The following PCDH11X variants were observed in gnomAD, a reference collection of about 807,000 sequenced individuals.
The protein encoded by PCDH11X is protocadherin 11 X-linked.
PCDH11X carries 18 observed loss-of-function variants against 53.3 expected under a neutral mutation model. That is an observed-to-expected ratio of 0.34 (90% CI 0.23 to 0.50). PCDH11X has a LOEUF of 0.50. Among genes scored for constraint, PCDH11X ranks in the 20% least tolerant of loss-of-function variants. The probability of loss-of-function intolerance (pLI) is 0.98; values close to 1 mark genes in which losing one functional copy is unlikely to be tolerated. For synonymous variants in PCDH11X, 279 were observed against 393.3 expected (o/e 0.71, Z 3.44); for missense variants, 570 against 1,032.4 (o/e 0.55, Z 6.14).
chrX:92,434,112 TTATCTATCTATCTATCATC>T (rs1184168492), intron 9 of PCDH11X, among the ~76,000 whole-genome samples: 1 of 111,328 alleles, frequency 9.0e-6, no homozygotes, highest in South Asian at 3.7e-4. Flanking sequence ...AACCTAAATT[TTATCTATCTATCTATCATC>T]TATCTATCTA....
At position 92,426,519 on chromosome X, in the gene PCDH11X, T is replaced by A. The variant is rs186487569; in HGVS notation, c.3343+38586T>A. 1.8e-3 allele frequency among the ~76,000 whole-genome samples: 201 copies of A among 109,068 alleles called. 1 individual carries two copies. Among genetic ancestry groups the A allele is most frequent in the African/African-American group, 6.3e-3 (189 of 30,165 alleles). 94.7% of individuals were successfully genotyped at this position (109,068 alleles called of 115,157 possible). A position where few individuals can be genotyped will look rare whatever the true frequency, so the allele number is the denominator to read the frequency against. ...TGTGTGTTTCAAATTAAGGAAAAAT[T>A]TGCATCGAACTATGTTTTCATTTAG... On this transcript the variant is annotated intron_variant, in intron 9 of 10. Transcript: ENST00000682573.
In PCDH11X at chrX:91,981,718, C is replaced by T. The variant is rs893185763; in HGVS notation, c.3033+102445C>T. Among the ~76,000 whole-genome samples, 151 of 109,340 alleles carry T rather than the reference C, an allele frequency of 1.4e-3. 1 individual carries two copies. Among genetic ancestry groups the T allele is most frequent in the African/African-American group, 4.9e-3 (146 of 29,995 alleles). The allele number at this position is 109,340 out of a possible 115,157, so 94.9% of individuals were successfully genotyped here. ...AATCATAGTGGAAGGCAAGGAGGAA[C>T]AAGTCACACCTTATGTGGATGGCAG... On this transcript the variant is annotated intron_variant, in intron 6 of 10. Transcript: ENST00000682573.
intron 1 of PCDH11X, among the ~76,000 whole-genome samples, chrX:91,791,134 A>G (rs754768408): frequency 9.2e-6 from 1 of 108,659 alleles, no homozygotes; most frequent in African/African-American, 3.4e-5. Context: ...TGTCTGCCAA[A>G]ATTGCCTTGG....
At chrX:92,020,427 C>G (rs747433028) in intron 6 of PCDH11X, among the ~76,000 whole-genome samples, 2 of 112,104 alleles carry the variant, frequency 1.8e-5, no homozygotes, top group South Asian at 7.5e-4. Flanking sequence ...TTGTGGCAGA[C>G]TGCGGCCAGA....
At chrX:92,109,073 T>C (rs1314927547) in intron 6 of PCDH11X, among the ~76,000 whole-genome samples, 5 of 110,800 alleles carry the variant, frequency 4.5e-5, no homozygotes, top group Admixed American at 2.9e-4. Context: ...GGAGGAATGC[T>C]TGGGGACTGG....
chrX:91,810,731 A>G (rs1411082775), intron 3 of PCDH11X, among the ~76,000 whole-genome samples, 153 bp downstream of exon 3: 1 of 112,278 alleles, frequency 8.9e-6, no homozygotes, highest in African/African-American at 3.2e-5. Flanking sequence ...TTAGTGATGT[A>G]TATTATGTGA....
intron 6 of PCDH11X, among the ~76,000 whole-genome samples, chrX:92,132,763 C>A (rs1177644707): frequency 9.8e-6 from 1 of 102,149 alleles, no homozygotes; most frequent in Admixed American, 1.1e-4. Context: ...TGGGAGCCTG[C>A]GTTATTGAGA....
intron 6 of PCDH11X, among the ~76,000 whole-genome samples, chrX:92,029,786 GAA>G (rs1157501526): frequency 9.0e-6 from 1 of 111,411 alleles, no homozygotes; most frequent in Non-Finnish European, 1.9e-5. Flanking sequence ...GTTGCTTAAT[GAA>G]CATTGCATTT....
chrX:92,372,795 T>G (rs1254523548), intron 8 of PCDH11X, among the ~76,000 whole-genome samples: 3 of 108,436 alleles, frequency 2.8e-5, no homozygotes, highest in Non-Finnish European at 3.8e-5. Flanking sequence ...TGATAGATCA[T>G]CAAAAACTAT....
In PCDH11X at chrX:92,124,544, TAA is replaced by T. The variant is rs1242306988; in HGVS notation, c.3034-76816_3034-76815del. On this transcript the variant is annotated intron_variant, in intron 6 of 10. Transcript: ENST00000682573. ...TGGGCAACAAGAGCAAAACTCCATT[TAA>T]AAAAAAAAAAAAAATAGGCCTAGTA... 9.0e-3 allele frequency among the ~76,000 whole-genome samples: 848 copies of T among 94,290 alleles called. 12 individuals are homozygous for T. The highest frequency in any genetic ancestry group is 0.031 in the African/African-American group (796 of 25,538). 81.9% of individuals were successfully genotyped at this position (94,290 alleles called of 115,157 possible).
intron 8 of PCDH11X, among the ~76,000 whole-genome samples, chrX:92,328,340 A>C (rs1346988927): frequency 9.1e-6 from 1 of 110,436 alleles, no homozygotes; most frequent in Non-Finnish European, 1.9e-5. Flanking sequence ...ATAAAATTAC[A>C]ATATTAGACA....
At chrX:92,215,060 C>T (rs912805234) in intron 7 of PCDH11X, among the ~76,000 whole-genome samples, 1 of 111,143 alleles carries the variant, frequency 9.0e-6, no homozygotes, top group Admixed American at 9.6e-5. Flanking sequence ...AAAGAAAACA[C>T]TGGGGAAGCA....
chrX:91,909,808 A>T (rs1941313060), intron 6 of PCDH11X, among the ~76,000 whole-genome samples: 1 of 111,601 alleles, frequency 9.0e-6, no homozygotes, highest in Admixed American at 9.6e-5. Context: ...TGCGCAAATC[A>T]AAATTATATT....
chrX:91,954,374 G>A (rs1466906097), intron 6 of PCDH11X, among the ~76,000 whole-genome samples: 1 of 111,329 alleles, frequency 9.0e-6, no homozygotes, highest in Non-Finnish European at 1.9e-5. Context: ...GGGCATTTGG[G>A]TTGATTCCAT....
intron 1 of PCDH11X, chrX:91,798,413 A>C (rs989598288): frequency 1.8e-5 from 2 of 110,562 alleles, no homozygotes; most frequent in African/African-American, 6.6e-5. Context: ...ACATGGTGAA[A>C]CCCCATCTCT....
chrX:92,608,991 C>A (rs1927086726), intron 10 of PCDH11X, among the ~76,000 whole-genome samples: 1 of 111,100 alleles, frequency 9.0e-6, no homozygotes, highest in Non-Finnish European at 1.9e-5. Flanking sequence ...TAATAGGAAC[C>A]ATACACGATG....
intron 6 of PCDH11X, among the ~76,000 whole-genome samples, chrX:92,086,768 T>A (rs1176433625): frequency 4.5e-5 from 5 of 110,927 alleles, no homozygotes; most frequent in Non-Finnish European, 1.9e-5. Context: ...CAGTGTTCTG[T>A]GTGGGAGACA....
chrX:92,212,006 C>CTTTTT (rs56939635), intron 7 of PCDH11X, among the ~76,000 whole-genome samples: 943 of 64,474 alleles, frequency 0.015, 59 homozygotes, highest in African/African-American at 0.043. Context: ...ACTTGCAATG[C>CTTTTT]TTTTTTTTTT....
intron 8 of PCDH11X, among the ~76,000 whole-genome samples, chrX:92,285,744 C>T (rs2068355639): frequency 9.0e-6 from 1 of 111,166 alleles, no homozygotes; most frequent in Non-Finnish European, 1.9e-5. Flanking sequence ...CATGGAGACC[C>T]TAACCCAGTG....
Sources: gnomAD v4.1 joint callset for allele counts (sites outside exome capture counted in the v4.1 genomes callset) on GRCh38, gnomAD v4.1.1 for gene constraint, MANE v1.5 for transcripts, NCBI Gene and HGNC (gene_info 2026-07-23, HGNC 2026-07-21) for gene names.